ZNF208: variants seen among roughly 807,000 people sequenced by gnomAD.
ZNF208 encodes zinc finger protein 95.
A neutral mutation model predicts 12.1 loss-of-function variants in ZNF208; 10 were observed. The observed-to-expected ratio is 0.83, with a 90% CI of 0.51 to 1.40. The LOEUF (loss-of-function observed/expected upper bound fraction) is 1.40. Ranked by LOEUF, ZNF208 falls within the 40% of genes most tolerant of loss-of-function variation. The pLI, the probability that ZNF208 is intolerant of heterozygous loss-of-function variation, is 0.00. For missense variants in ZNF208, 1,652 were observed against 1,485.0 expected (o/e 1.11, Z -1.85); for synonymous variants, 497 against 488.4 (o/e 1.02, Z -0.23).
intron 3 of ZNF208, among the ~76,000 whole-genome samples, chr19:21,975,911 C>A (rs66562925): frequency 0.12 from 2,642 of 22,244 alleles, 74 homozygotes; most frequent in African/African-American, 0.34. Context: ...GGAAAAAAAA[C>A]AACTTTCAAA....
At chr19:21,988,954 A>G in intron 1 of ZNF208, 45 bp from the exon 2 acceptor site, 1 of 1,605,342 alleles carries the variant, frequency 6.2e-7, no homozygotes. Context: ...ACATGGGCAG[A>G]ATTTTTAATT....
intron 4 of ZNF208, among the ~76,000 whole-genome samples, chr19:21,946,915 T>C (rs1969821708): frequency 6.6e-6 from 1 of 152,050 alleles, no homozygotes; most frequent in Non-Finnish European, 1.5e-5. Flanking sequence ...CAACAGCCAA[T>C]GAAGGTGTTG....
intron 1 of ZNF208, among the ~76,000 whole-genome samples, chr19:22,010,077 C>A (rs185771782): frequency 6.6e-6 from 1 of 150,948 alleles, no homozygotes; most frequent in African/African-American, 2.4e-5. Flanking sequence ...CCCAGCTACT[C>A]GGAAGGCTGA....
At chr19:22,009,203 G>C (rs1205582651) in intron 1 of ZNF208, among the ~76,000 whole-genome samples, 2 of 152,122 alleles carry the variant, frequency 1.3e-5, no homozygotes, top group Non-Finnish European at 2.9e-5. Flanking sequence ...GTAAACTAAA[G>C]GACAAATAGT....
At chr19:21,960,851 G>A (rs1371282038) in intron 4 of ZNF208, among the ~76,000 whole-genome samples, 1 of 152,166 alleles carries the variant, frequency 6.6e-6, no homozygotes, top group East Asian at 1.9e-4. Context: ...AGAAAGCCAA[G>A]CGTTTGGAGA....
intron 4 of ZNF208, among the ~76,000 whole-genome samples, chr19:21,955,838 G>C (rs1203747859): frequency 6.6e-6 from 1 of 152,152 alleles, no homozygotes. Flanking sequence ...CTCTCAACTC[G>C]TCAAAGTCAT....
intron 1 of ZNF208, among the ~76,000 whole-genome samples, chr19:21,993,256 C>T (rs918856543): frequency 1.4e-4 from 22 of 152,250 alleles, no homozygotes; most frequent in African/African-American, 4.6e-4. Flanking sequence ...ATATGGGCCA[C>T]GCTGTACTGT....
intron 3 of ZNF208, among the ~76,000 whole-genome samples, chr19:21,976,302 T>C (rs1289534165): frequency 2.6e-5 from 4 of 152,150 alleles, no homozygotes; most frequent in South Asian, 2.1e-4. Flanking sequence ...AAATATATTG[T>C]TGTATTTTTA....
chr19:21,961,833 A>C (rs1465330523), downstream of ZNF208, among the ~76,000 whole-genome samples: 1 of 152,096 alleles, frequency 6.6e-6, no homozygotes, highest in East Asian at 1.9e-4. Flanking sequence ...GGCAGACCTT[A>C]TGGTTGTCTT....
rs758231085 is a variant in ZNF208, at chr19:21,974,623, C to G, written c.411G>C (p.Leu137Phe). The G allele has an allele frequency of 1.9e-6, 3 of 1,613,504 alleles. No homozygotes were observed. The African/African-American group carries it at 4.0e-5, about 22-fold the overall frequency. Residue 137 changes from leucine (L) to phenylalanine (F), a missense_variant, in exon 4 of 4, where the codon TTG (leucine) becomes TTC (phenylalanine). Physicochemically the swap from Leu to Phe is conservative, Grantham distance 22 (BLOSUM62 0). Coordinates refer to ENST00000397126, the MANE Select transcript of ZNF208 (RefSeq NM_007153.3). Reference sequence around the variant, plus strand: ...GAAATACTTTGCTCTGTGTAGTTGTCAAACTCTGGTTAAGTTTATTATAAC... The same window carrying G: ...GAAATACTTTGCTCTGTGTAGTTGTGAAACTCTGGTTAAGTTTATTATAAC... ...KEGYNKLNQS[L>F]TTTQSKVFQR... is the part of the protein sequence containing the mutation.
At chr19:21,998,406 C>G (rs1282329059) in intron 1 of ZNF208, 2 of 152,452 alleles carry the variant, frequency 1.3e-5, no homozygotes, top group African/African-American at 4.8e-5. Context: ...ATCCACCTGC[C>G]TCGGCCTCCC....
In ZNF208 at chr19:21,971,330, C is replaced by G; in HGVS notation, c.3704G>C (p.Ser1235Thr). 1 of 1,605,086 alleles carries G rather than the reference C, an allele frequency of 6.2e-7. No homozygotes were observed. The highest frequency in any genetic ancestry group is 8.5e-7 in the Non-Finnish European group (1 of 1,178,214). ...ATGTTTAGTGAGGATTGAGAACGTACTAAAGGCTTTGCCACATTCTTCACA... is the reference window on the plus strand; with the variant it reads ...ATGTTTAGTGAGGATTGAGAACGTAGTAAAGGCTTTGCCACATTCTTCACA... ...YKCEECGKAFSTFSILTKHKV... is the reference protein window; with the variant it reads ...YKCEECGKAFTTFSILTKHKV... Residue 1235 changes from serine (S) to threonine (T), a missense_variant, in exon 4 of 4, where the codon AGT (serine) becomes ACT (threonine). Around this residue, in one of 3 missense-constraint regions of ZNF208, gnomAD observed 1,239 missense variants for 1,086.2 expected, o/e 1.14. Transcript: ENST00000397126.
chr19:21,988,760 T>C (rs370704567), intron 2 of ZNF208, 23 bp downstream of exon 2: 39 of 1,604,050 alleles, frequency 2.4e-5, no homozygotes, highest in Non-Finnish European at 2.7e-5. Context: ...ATACTAGGAA[T>C]TGCGTATTAA....
intron 1 of ZNF208, 81 bp downstream of exon 1, chr19:22,010,711 C>T (rs2145592852): frequency 6.2e-7 from 1 of 1,610,124 alleles, no homozygotes; most frequent in African/African-American, 1.3e-5. Context: ...GCGGGGAGGC[C>T]TGAGTCCCGC....
In ZNF208 at chr19:21,971,458, A is replaced by G. The variant is rs1970281427; in HGVS notation, c.3576T>C (p.Thr1192=). 3.1e-6 allele frequency: 5 copies of G among 1,611,284 alleles called. No individual in the cohort carries two copies. Among genetic ancestry groups the G allele is most frequent in the Non-Finnish European group, 4.2e-6 (5 of 1,179,880 alleles). ...SILAKHKVIH[T]GEKLYKCEEC... is the part of the protein sequence containing the mutation. ...CTTCACATTTGTAGAGTTTCTCTCC[A>G]GTATGAATTACCTTATGTTTTGCAA... Residue 1192 remains threonine, a synonymous_variant, in exon 4 of 4, where the codon ACT becomes ACC. Coordinates refer to ENST00000397126, the MANE Select transcript of ZNF208 (RefSeq NM_007153.3).
intron 1 of ZNF208, among the ~76,000 whole-genome samples, chr19:22,003,083 T>A (rs537755115): frequency 6.6e-6 from 1 of 152,028 alleles, no homozygotes. Context: ...AAGGTGACAA[T>A]AGGAATGTGG....
In ZNF208 at chr19:21,973,699, T is replaced by C. The variant is rs1356148011; in HGVS notation, c.1335A>G (p.Lys445=). ...TGTAGGGTGTCTCTCCAGTGTGAAT[T>C]TTCTTATGTTCCATAAGGTTTGAGG... ...NWSSNLMEHK[K]IHTGETPYKC... Residue 445 remains lysine, a synonymous_variant, in exon 4 of 4, where the codon AAA becomes AAG. Coordinates refer to ENST00000397126, the MANE Select transcript of ZNF208 (RefSeq NM_007153.3). 5.1e-6 allele frequency: 8 copies of C among 1,571,988 alleles called. No homozygotes were observed. Among genetic ancestry groups the C allele is most frequent in the Non-Finnish European group, 6.1e-6 (7 of 1,145,028 alleles).
chr19:22,005,045 A>G (rs1971021451), intron 1 of ZNF208, among the ~76,000 whole-genome samples: 5 of 152,228 alleles, frequency 3.3e-5, no homozygotes, highest in Admixed American at 3.3e-4. Flanking sequence ...ATGCAGGCAG[A>G]TAAGATTATG....
rs1970370676 is a variant in ZNF208, at chr19:21,973,989, C to T, written c.1045G>A (p.Ala349Thr). ...KPYKCKECGK[A>T]FSKFSILTKH... Reference sequence around the variant, plus strand: ...GTAAGGATTGAGAACTTACTAAAGGCTTTGCCACATTCTTTACATTTGTAG... The same window carrying T: ...GTAAGGATTGAGAACTTACTAAAGGTTTTGCCACATTCTTTACATTTGTAG... Residue 349 changes from alanine (A) to threonine (T), a missense_variant, in exon 4 of 4, where the codon GCC (alanine) becomes ACC (threonine). Ala to Thr is a moderately conservative substitution (Grantham distance 58). Around this residue, in one of 3 missense-constraint regions of ZNF208, gnomAD observed 1,239 missense variants for 1,086.2 expected, o/e 1.14. Transcript: ENST00000397126. 5.6e-6 allele frequency: 9 copies of T among 1,601,550 alleles called. No homozygotes were observed. Among genetic ancestry groups the T allele is most frequent in the Non-Finnish European group, 7.7e-6 (9 of 1,171,324 alleles).
Sources: allele counts gnomAD v4.1 joint callset (sites outside exome capture counted in the v4.1 genomes callset), GRCh38; gene constraint gnomAD v4.1.1; regional missense constraint gnomAD v4.1.1; transcripts MANE v1.5; gene names NCBI Gene and HGNC (gene_info 2026-07-23, HGNC 2026-07-21).